The following SLC5A1 variants were observed in gnomAD, a reference collection of about 807,000 sequenced individuals.
SLC5A1 encodes the protein sodium/glucose cotransporter 1.
In SLC5A1, 42 loss-of-function variants were observed where a neutral mutation model predicts 73.5. That is an observed-to-expected ratio of 0.57 (90% CI 0.45 to 0.74). The LOEUF (loss-of-function observed/expected upper bound fraction) is 0.74. Ranked by LOEUF, SLC5A1 falls within the 30% of genes least tolerant of loss-of-function variation. The probability of loss-of-function intolerance (pLI) is 0.00; values close to 1 mark genes in which losing one functional copy is unlikely to be tolerated. For synonymous variants in SLC5A1, 300 were observed against 317.4 expected (o/e 0.95, Z 0.58); for missense variants, 634 against 855.4 (o/e 0.74, Z 3.23).
intron 2 of SLC5A1, among the ~76,000 whole-genome samples, chr22:32,063,501 G>A (rs1437432736): frequency 5.3e-5 from 8 of 152,186 alleles, no homozygotes; most frequent in Non-Finnish European, 1.0e-4. Context: ...CTCTGCACTT[G>A]AGGGAACTTT....
In SLC5A1 at chr22:32,067,356, T is replaced by TATTATTATTATTATTA. The variant is rs879755326; in HGVS notation, c.312+317_312+318insATTATTATTATTATTA. Among the ~76,000 whole-genome samples, 358 of 118,278 alleles carry TATTATTATTATTATTA rather than the reference T, an allele frequency of 3.0e-3. 3 individuals are homozygous for TATTATTATTATTATTA. Among genetic ancestry groups the TATTATTATTATTATTA allele is most frequent in the Non-Finnish European group, 4.9e-3 (269 of 54,516 alleles). 77.6% of individuals were successfully genotyped at this position (118,278 alleles called of 152,430 possible). On this transcript the variant is annotated intron_variant, in intron 3 of 14. Transcript: ENST00000266088. The stretch of plus-strand genomic sequence containing the variant: ...AGATTTCCATTATTATTATTATTAT[T>TATTATTATTATTATTA]TTTTTTAAAAAAATTTTTATTATTT...
Position 32,104,903 on chromosome 22 carries a change from C to T in SLC5A1, c.1771+12C>T. 1 of 1,564,916 alleles carries T rather than the reference C, an allele frequency of 6.4e-7. No homozygotes were observed. Among genetic ancestry groups the T allele is most frequent in the Non-Finnish European group, 8.8e-7 (1 of 1,135,184 alleles). ...GACCATTGAAATAGGTGACTTATGA[C>T]CCAGAGCAGATCCTAAACCATAAAA... On this transcript the variant is annotated intron_variant, in intron 14 of 14. Coordinates refer to ENST00000266088, the MANE Select transcript of SLC5A1 (RefSeq NM_000343.4).
At chr22:32,065,980 T>C (rs1394412857) in intron 2 of SLC5A1, among the ~76,000 whole-genome samples, 1 of 152,264 alleles carries the variant, frequency 6.6e-6, no homozygotes, top group African/African-American at 2.4e-5. Context: ...TTGGTTCTTA[T>C]CAAATGCTGC....
In SLC5A1 at chr22:32,099,229, A is replaced by G; in HGVS notation, c.1327A>G (p.Ile443Val). The part of the protein sequence containing the change: ...LIGISIAWVP[I>V]VQSAQSGQLF... ...TGGCATCAGCATCGCCTGGGTGCCCATTGTGCAGTCAGCACAAAGTGGGCA... is the reference window on the plus strand; with the variant it reads ...TGGCATCAGCATCGCCTGGGTGCCCGTTGTGCAGTCAGCACAAAGTGGGCA... Residue 443 changes from isoleucine to valine, a missense_variant, in exon 12 of 15, where the codon ATT becomes GTT. By Grantham distance (29) the Ile-to-Val change is conservative (BLOSUM62 3). Around this residue, in one of 3 missense-constraint regions of SLC5A1, gnomAD observed 422 missense variants for 626.1 expected, o/e 0.67. Transcript: ENST00000266088. 1 of 1,611,670 alleles carries G rather than the reference A, an allele frequency of 6.2e-7. No homozygotes were observed. The highest frequency in any genetic ancestry group is 1.7e-5 in the Admixed American group (1 of 59,784).
intron 5 of SLC5A1, 86 bp downstream of exon 5, chr22:32,068,686 C>T: frequency 1.1e-6 from 1 of 901,882 alleles, no homozygotes; most frequent in Non-Finnish European, 1.8e-6. Context: ...AGAGGCGGCT[C>T]TATACATTTC....
chr22:32,090,243 A>G (rs2094014986), intron 10 of SLC5A1, among the ~76,000 whole-genome samples: 3 of 152,132 alleles, frequency 2.0e-5, no homozygotes. Flanking sequence ...ATTTTAGAAA[A>G]TTTGTGTCAT....
rs118190199 is a variant in SLC5A1, at chr22:32,069,707, G to A, written c.477+1107G>A. On this transcript the variant is annotated intron_variant, in intron 5 of 14. Transcript: ENST00000266088. ...AAAGGGGGGAGTTAGGGATATCTAAGGGTTGGCCCCAACTTTAGAGGCAGG... is the reference window on the plus strand; with the variant it reads ...AAAGGGGGGAGTTAGGGATATCTAAAGGTTGGCCCCAACTTTAGAGGCAGG... Among the ~76,000 whole-genome samples, 137 of 152,222 alleles carry A rather than the reference G, an allele frequency of 9.0e-4. 2 individuals are homozygous for A. In the East Asian group the frequency reaches 0.025, roughly 28 times the overall value.
intron 4 of SLC5A1, among the ~76,000 whole-genome samples, 183 bp from the exon 5 acceptor site, chr22:32,068,313 A>G (rs1293721339): frequency 6.6e-6 from 1 of 152,168 alleles, no homozygotes; most frequent in Non-Finnish European, 1.5e-5. Flanking sequence ...ATGGGATTAA[A>G]ATGAGCAAAT....
At position 32,096,536 on chromosome 22, in the gene SLC5A1, G is replaced by C. The variant is rs147556410; in HGVS notation, c.1281-2647G>C. Among the ~76,000 whole-genome samples, 165 of 152,342 alleles carry C rather than the reference G, an allele frequency of 1.1e-3. 1 individual carries two copies. Among genetic ancestry groups the C allele is most frequent in the African/African-American group, 3.8e-3 (159 of 41,570 alleles). ...TCTGCAGAACGATTGTGAAGGTTCAGTTGTGCTTGTGAATATACTCTGTAA... is the reference window on the plus strand; with the variant it reads ...TCTGCAGAACGATTGTGAAGGTTCACTTGTGCTTGTGAATATACTCTGTAA... On this transcript the variant is annotated intron_variant, in intron 11 of 14. Coordinates refer to ENST00000266088, the MANE Select transcript of SLC5A1 (RefSeq NM_000343.4).
At chr22:32,070,489 T>G (rs1299125663) in intron 5 of SLC5A1, among the ~76,000 whole-genome samples, 1 of 151,504 alleles carries the variant, frequency 6.6e-6, no homozygotes, top group Non-Finnish European at 1.5e-5. Context: ...TGTTCCACCA[T>G]GCCCAGCTAA....
At chr22:32,093,986 A>G (rs953078603) in intron 11 of SLC5A1, among the ~76,000 whole-genome samples, 3 of 130,670 alleles carry the variant, frequency 2.3e-5, no homozygotes, top group African/African-American at 8.9e-5. Flanking sequence ...GGTCTGTCAT[A>G]GATGGCTTTT....
chr22:32,043,554 C>T lies in SLC5A1; in HGVS notation c.135+138C>T. 1 of 910,490 alleles carries T rather than the reference C, an allele frequency of 1.1e-6. No individual in the cohort carries two copies. The highest frequency in any genetic ancestry group is 2.7e-5 in the East Asian group (1 of 37,540). The allele number at this position is 910,490 out of a possible 1,614,324, so 56.4% of individuals were successfully genotyped here. A position where few individuals can be genotyped will look rare whatever the true frequency, so the allele number is the denominator to read the frequency against. On this transcript the variant is annotated intron_variant, in intron 1 of 14. Transcript: ENST00000266088. This position sits in a 1 kb window ranked among gnomAD's most constrained non-coding sequence, Gnocchi z 6.5. ...ATGACTTGGAAGCACTTTAGAAGCA[C>T]TCAGAGGCACAGCATGAAGGGAGGA...
chr22:32,078,376 T>G (rs2093994226), intron 5 of SLC5A1, among the ~76,000 whole-genome samples: 1 of 152,140 alleles, frequency 6.6e-6, no homozygotes, highest in African/African-American at 2.4e-5. Flanking sequence ...CAAGCAATTC[T>G]CCTGCCTCGG....
intron 6 of SLC5A1, 92 bp downstream of exon 6, chr22:32,082,063 T>C: frequency 2.3e-6 from 2 of 851,760 alleles, no homozygotes; most frequent in Non-Finnish European, 4.1e-6. Context: ...TGGTTTCTCT[T>C]CTTGAGGAGA....
intron 2 of SLC5A1, 133 bp from the exon 3 acceptor site, chr22:32,066,802 C>G: frequency 1.4e-6 from 1 of 697,594 alleles, no homozygotes; most frequent in Non-Finnish European, 2.7e-6. Flanking sequence ...ATGATTCCAG[C>G]ACAGTTTTCT....
At chr22:32,098,042 A>G (rs2094029198) in intron 11 of SLC5A1, among the ~76,000 whole-genome samples, 1 of 152,228 alleles carries the variant, frequency 6.6e-6, no homozygotes, top group Admixed American at 6.5e-5. Context: ...CAAAAGATTG[A>G]TATCAAATGT....
At chr22:32,105,065 G>C (rs1294847740) in intron 14 of SLC5A1, among the ~76,000 whole-genome samples, 174 bp downstream of exon 14, 1 of 152,158 alleles carries the variant, frequency 6.6e-6, no homozygotes, top group Non-Finnish European at 1.5e-5. Context: ...AGTTAACTCT[G>C]AGTTCAAGGG....
At position 32,069,293 on chromosome 22, in the gene SLC5A1, T is replaced by C. The variant is rs187440802; in HGVS notation, c.477+693T>C. On this transcript the variant is annotated intron_variant, in intron 5 of 14. Coordinates refer to ENST00000266088, the MANE Select transcript of SLC5A1 (RefSeq NM_000343.4). ...GAGCGGGTGGGGAGTTGGGGAGATA[T>C]TGGTCAAAGGATACAAAATTTCAGT... 1.2e-4 allele frequency among the ~76,000 whole-genome samples: 18 copies of C among 152,150 alleles called. No homozygotes were observed. In the East Asian group the frequency reaches 3.1e-3, roughly 26 times the overall value.
At chr22:32,044,081 C>T (rs1357773304) in intron 1 of SLC5A1, among the ~76,000 whole-genome samples, 2 of 152,174 alleles carry the variant, frequency 1.3e-5, no homozygotes, top group African/African-American at 4.8e-5. Context: ...TCTGGGGACA[C>T]AGCAAACCAG....
Sources: gnomAD v4.1 joint callset for allele counts (sites outside exome capture counted in the v4.1 genomes callset) on GRCh38, gnomAD v4.1.1 for gene constraint, gnomAD v4.1.1 regional missense constraint, Gnocchi (gnomAD v3.1) non-coding constraint, MANE v1.5 for transcripts, NCBI Gene and HGNC (gene_info 2026-07-23, HGNC 2026-07-21) for gene names.